The following WDR36 variants were observed in gnomAD, a reference collection of about 807,000 sequenced individuals.
WDR36 encodes the protein WD repeat-containing protein 36.
Under a neutral mutation model 112.7 loss-of-function variants are expected in WDR36, and 63 were observed. That is an observed-to-expected ratio of 0.56 (90% CI 0.46 to 0.69). The LOEUF (loss-of-function observed/expected upper bound fraction) is 0.69, where lower values mean the gene tolerates loss of function less well. Among genes scored for constraint, WDR36 ranks in the 30% least tolerant of loss-of-function variants. The probability of loss-of-function intolerance (pLI) is 0.00; values close to 1 mark genes in which losing one functional copy is unlikely to be tolerated. For missense variants in WDR36, 1,226 were observed against 1,070.3 expected (o/e 1.15, Z -2.03); for synonymous variants, 410 against 362.2 (o/e 1.13, Z -1.50).
Position 111,097,170 on chromosome 5 carries a change from T to G in WDR36, c.282T>G (p.Arg94=). 1.2e-6 allele frequency: 2 copies of G among 1,612,804 alleles called. No individual in the cohort carries two copies. The highest frequency in any genetic ancestry group is 1.7e-6 in the Non-Finnish European group (2 of 1,179,044). The change falls in exon 3 of 23, where the codon CGT becomes CGG. Residue 94 remains arginine (R), a synonymous_variant. Coordinates refer to ENST00000513710, the MANE Select transcript of WDR36 (RefSeq NM_139281.3). The part of the protein sequence containing the change: ...AYGNVFSAFA[R]NKEIVHTFKG... Reference sequence around the variant, plus strand: ...GAAATGTTTTCTCTGCATTTGCCCGTAATAAAGAGGTTGGTATCGCTAAAC... The same window carrying G: ...GAAATGTTTTCTCTGCATTTGCCCGGAATAAAGAGGTTGGTATCGCTAAAC...
chr5:111,097,934 A>G (rs545263903), intron 3 of WDR36, among the ~76,000 whole-genome samples: 6 of 152,272 alleles, frequency 3.9e-5, no homozygotes, highest in Admixed American at 1.3e-4. Context: ...AGATTTTTAG[A>G]ATTGGAAAAA....
chr5:111,105,065 G>C (rs1034956824), intron 9 of WDR36, among the ~76,000 whole-genome samples: 4 of 151,530 alleles, frequency 2.6e-5, no homozygotes, highest in African/African-American at 9.7e-5. Flanking sequence ...AATTCTGTTA[G>C]TCTGCTGAAA....
chr5:111,118,223 G>T (rs1753495718), intron 16 of WDR36, among the ~76,000 whole-genome samples: 1 of 152,106 alleles, frequency 6.6e-6, no homozygotes, highest in Admixed American at 6.6e-5. Context: ...CTACACAATT[G>T]TATTTTCCCT....
chr5:111,099,282 T>A (rs916476094), intron 4 of WDR36, among the ~76,000 whole-genome samples: 14 of 152,190 alleles, frequency 9.2e-5, no homozygotes, highest in African/African-American at 3.4e-4. Flanking sequence ...CTGTGATAGC[T>A]TAGACAGTGG....
intron 8 of WDR36, 142 bp from the exon 9 acceptor site, chr5:111,104,555 A>G: frequency 7.2e-7 from 1 of 1,397,332 alleles, no homozygotes; most frequent in Non-Finnish European, 1.0e-6. Flanking sequence ...CTCCCCCAAT[A>G]CCCACTCCCT....
chr5:111,110,802 G>C lies in WDR36; in HGVS notation c.1456G>C (p.Val486Leu), dbSNP rs1209978517. ...CTACCTTACAGCTCACAAGGGATCT[G>C]TTAGAGGTGTCGCAGTGGATGGATT... ...FGKDQAHKGS[V>L]RGVAVDGLNQ... The change falls in exon 14 of 23, where the codon GTT (valine) becomes CTT (leucine). Residue 486 changes from valine (V) to leucine (L), a missense_variant. Transcript: ENST00000513710. 1 of 1,610,784 alleles carries C rather than the reference G, an allele frequency of 6.2e-7. No homozygotes were observed.
chr5:111,103,216 G>A (rs934944255), intron 6 of WDR36, among the ~76,000 whole-genome samples: 1 of 151,726 alleles, frequency 6.6e-6, no homozygotes, highest in Non-Finnish European at 1.5e-5. Context: ...TGCTAAAATA[G>A]AGAAATTCAT....
At chr5:111,115,953 T>G (rs181603476) in intron 16 of WDR36, among the ~76,000 whole-genome samples, 1 of 152,274 alleles carries the variant, frequency 6.6e-6, no homozygotes, top group East Asian at 1.9e-4. Context: ...TTCTTATTTT[T>G]TTTTTCTGAG....
At chr5:111,099,889 A>G (rs1351332974) in intron 4 of WDR36, among the ~76,000 whole-genome samples, 1 of 152,062 alleles carries the variant, frequency 6.6e-6, no homozygotes, top group African/African-American at 2.4e-5. Flanking sequence ...TTGATACACA[A>G]ATTTACTGGA....
rs1753101475 is a variant in WDR36, at chr5:111,100,518, G to C, written c.410-71G>C. ...TTGATGTGATAGACTTACTTTAAGT[G>C]ATAAATATATGGTTACATAAAACAT... On this transcript the variant is annotated intron_variant, in intron 4 of 22. Coordinates refer to ENST00000513710, the MANE Select transcript of WDR36 (RefSeq NM_139281.3). The C allele has an allele frequency of 5.5e-6, 6 of 1,081,172 alleles. 1 individual carries two copies. In the South Asian group the frequency reaches 9.7e-5, roughly 17 times the overall value. 67.0% of individuals were successfully genotyped at this position (1,081,172 alleles called of 1,614,324 possible). A position where few individuals can be genotyped will look rare whatever the true frequency, so the allele number is the denominator to read the frequency against.
chr5:111,100,557 A>G lies in WDR36; in HGVS notation c.410-32A>G, dbSNP rs770523630. 1.8e-5 allele frequency: 25 copies of G among 1,375,848 alleles called. No homozygotes were observed. In the African/African-American group the frequency reaches 3.4e-4, roughly 19 times the overall value. The allele number at this position is 1,375,848 out of a possible 1,614,324, so 85.2% of individuals were successfully genotyped here. ...TACATAAAACATTTTAAACTATTTT[A>G]TAAAAAATATTTATAACTTTCACTT... On this transcript the variant is annotated intron_variant, in intron 4 of 22. Transcript: ENST00000513710.
chr5:111,113,054 T>TATA lies in WDR36; in HGVS notation c.1717-20_1717-19insATA, dbSNP rs33919278. 4,658 of 274,382 alleles carry TATA rather than the reference T, an allele frequency of 0.017. 31 individuals carry two copies. The highest frequency in any genetic ancestry group is 0.047 in the African/African-American group (1,085 of 23,270). The allele number at this position is 274,382 out of a possible 1,614,324, so 17.0% of individuals were successfully genotyped here. On this transcript the variant is annotated intron_variant, in intron 15 of 22. Transcript: ENST00000513710. The stretch of plus-strand genomic sequence containing the variant: ...ATAAATAATATATATATATATATAT[T>TATA]TTTTTTTTTTAATTTAAAGGCTTTT...
chr5:111,119,043 TC>T lies in WDR36; in HGVS notation c.1829del (p.Pro610LeufsTer48). ...LIDCFLLDSAPLNVSMSPTGD... is the reference protein window; with the variant it reads ...LIDCFLLDSAXLNVSMSPTGD... ...TAGACTGCTTTTTGTTGGACTCGGC[TC>T]CTCTCAATGTTTCTATGTCTCCTAC... On this transcript the variant is annotated frameshift_variant, in exon 17 of 23. Coordinates refer to ENST00000513710, the MANE Select transcript of WDR36 (RefSeq NM_139281.3). LOFTEE classifies it high-confidence loss of function. The T allele has an allele frequency of 6.2e-7, 1 of 1,613,654 alleles. No homozygotes were observed.
chr5:111,115,231 A>T (rs921739265), intron 16 of WDR36, among the ~76,000 whole-genome samples: 5 of 152,208 alleles, frequency 3.3e-5, no homozygotes, highest in African/African-American at 9.7e-5. Flanking sequence ...TAAAGAAAAA[A>T]GTTTTGGTTA....
In WDR36 at chr5:111,124,195, T is replaced by C; in HGVS notation, c.2350+6T>C. ...AGGACTGGTAAATAATAAGTGTAAG[T>C]TGAATTATAAGATATTTTAACTAAT... On this transcript the variant is annotated splice_donor_region_variant and intron_variant, in intron 21 of 22. Coordinates refer to ENST00000513710, the MANE Select transcript of WDR36 (RefSeq NM_139281.3). The C allele has an allele frequency of 6.2e-7, 1 of 1,604,058 alleles. No homozygotes were observed.
intron 3 of WDR36, among the ~76,000 whole-genome samples, chr5:111,098,120 C>G (rs759214075): frequency 1.3e-5 from 2 of 151,996 alleles, no homozygotes; most frequent in African/African-American, 4.8e-5. Flanking sequence ...GGTGGGGAGG[C>G]GTCAGACACT....
intron 4 of WDR36, 78 bp from the exon 5 acceptor site, chr5:111,100,506 CTTACT>C: frequency 1.1e-6 from 1 of 940,146 alleles, no homozygotes; most frequent in Non-Finnish European, 1.6e-6. Flanking sequence ...ATGTGATAGA[CTTACT>C]TTAAGTGATA....
At chr5:111,103,126 A>G (rs1753153826) in intron 6 of WDR36, among the ~76,000 whole-genome samples, 1 of 151,726 alleles carries the variant, frequency 6.6e-6, no homozygotes. Context: ...ACAGGGTCTC[A>G]TGCATAGTAG....
intron 1 of WDR36, 25 bp from the exon 2 acceptor site, chr5:111,094,895 T>G: frequency 6.4e-7 from 1 of 1,572,360 alleles, no homozygotes; most frequent in Non-Finnish European, 8.7e-7. Context: ...TAATGAAAAT[T>G]TAACCTTTTT....
Sources: allele counts gnomAD v4.1 joint callset (sites outside exome capture counted in the v4.1 genomes callset), GRCh38; gene constraint gnomAD v4.1.1; transcripts MANE v1.5; gene names NCBI Gene and HGNC (gene_info 2026-07-23, HGNC 2026-07-21).